Variants in UBAP2L observed in about 807,000 individuals in gnomAD.
UBAP2L encodes ubiquitin-associated protein 2-like.
In UBAP2L, 12 loss-of-function variants were observed where a neutral mutation model predicts 130.6. That is an observed-to-expected ratio of 0.09 (90% confidence interval 0.06 to 0.15). The LOEUF (loss-of-function observed/expected upper bound fraction) is 0.15. UBAP2L is among the 10% of genes least tolerant of loss of function. The probability of loss-of-function intolerance (pLI) is 1.00; values close to 1 mark genes in which losing one functional copy is unlikely to be tolerated. For missense variants in UBAP2L, 965 were observed against 1,332.5 expected, an observed-to-expected ratio of 0.72 and a Z score of 4.29; for synonymous variants, 503 against 524.7, an observed-to-expected ratio of 0.96 and a Z score of 0.57.
chr1:154,265,477 C>T (rs1682979223), intron 24 of UBAP2L, among the ~76,000 whole-genome samples: 1 of 152,134 alleles, frequency 6.6e-6, no homozygotes, highest in South Asian at 2.1e-4. Flanking sequence ...TAAAATCATG[C>T]TTTATATTCC....
At chr1:154,243,344 C>A in intron 10 of UBAP2L, 42 bp downstream of exon 10, 1 of 1,570,208 alleles carries the variant, frequency 6.4e-7, no homozygotes, top group South Asian at 1.1e-5. Context: ...TTAAACACAT[C>A]TGCTGAGATT....
chr1:154,237,265 A>G (rs1671989271), intron 8 of UBAP2L, 129 bp downstream of exon 8: 4 of 809,878 alleles, frequency 4.9e-6, no homozygotes, highest in Non-Finnish European at 6.1e-6. Flanking sequence ...AAGGGCTGGC[A>G]GTTGTATTAC....
At chr1:154,222,320 C>T (rs1224398043) in intron 1 of UBAP2L, among the ~76,000 whole-genome samples, 1 of 152,098 alleles carries the variant, frequency 6.6e-6, no homozygotes, top group Non-Finnish European at 1.5e-5. Context: ...TGAGATCTGT[C>T]TCCATTGTAC....
chr1:154,251,230 C>T lies in UBAP2L; in HGVS notation c.1403C>T (p.Pro468Leu). 6.2e-7 allele frequency: 1 copy of T among 1,614,174 alleles called. No individual in the cohort carries two copies. Among genetic ancestry groups the T allele is most frequent in the Non-Finnish European group, 8.5e-7 (1 of 1,180,048 alleles). ...TCCACATCGGCTCCACAGATGTCGC[C>T]TGGATCTTCAGACAACCAGTCCTCT... ...SKSTSAPQMS[P>L]GSSDNQSSSP... is the part of the protein sequence containing the mutation. The change falls in exon 13 of 27, where the codon CCT (proline) becomes CTT (leucine). Residue 468 changes from proline to leucine, a missense_variant. Coordinates refer to ENST00000428931, the MANE Select transcript of UBAP2L (RefSeq NM_014847.4).
At chr1:154,226,215 G>C (rs1349486026) in intron 2 of UBAP2L, among the ~76,000 whole-genome samples, 2 of 152,142 alleles carry the variant, frequency 1.3e-5, no homozygotes, top group Non-Finnish European at 2.9e-5. Flanking sequence ...GTTCCATTGA[G>C]ACCTTACCTG....
chr1:154,267,362 G>T (rs994366174), intron 25 of UBAP2L, among the ~76,000 whole-genome samples: 1 of 151,846 alleles, frequency 6.6e-6, no homozygotes, highest in Admixed American at 6.6e-5. Context: ...CACCATCTTG[G>T]CTAGGCTGGT....
intron 20 of UBAP2L, chr1:154,258,567 T>C (rs1022981023): frequency 1.3e-5 from 2 of 154,550 alleles, no homozygotes; most frequent in African/African-American, 4.8e-5. Flanking sequence ...ACATTTTTAA[T>C]TTGTGGTCAC....
At chr1:154,233,018 CTTT>C (rs1339953340) in intron 4 of UBAP2L, among the ~76,000 whole-genome samples, 1 of 148,424 alleles carries the variant, frequency 6.7e-6, no homozygotes. Flanking sequence ...ACCTTTTTTT[CTTT>C]TTTTTTTTTT....
chr1:154,251,314 C>G lies in UBAP2L; in HGVS notation c.1487C>G (p.Ser496Cys), dbSNP rs142515266. 2.5e-6 allele frequency: 4 copies of G among 1,610,940 alleles called. No individual in the cohort carries two copies. The highest frequency in any genetic ancestry group is 2.5e-6 in the Non-Finnish European group (3 of 1,178,992). The change falls in exon 13 of 27, where the codon TCT becomes TGT. Residue 496 changes from serine (S) to cysteine (C), a missense_variant. Around this residue, in one of 9 missense-constraint regions of UBAP2L, gnomAD observed 393 missense variants for 408.1 expected, o/e 0.96. Coordinates refer to ENST00000428931, the MANE Select transcript of UBAP2L (RefSeq NM_014847.4). The part of the protein sequence containing the change: ...KQQKKKASLT[S>C]KIPALAVEMP... The stretch of plus-strand genomic sequence containing the variant: ...CAGAAGAAAAAAGCCTCCTTGACTT[C>G]TAAGGTACTTAAACTTTTAGGTAGA...
At position 154,270,407 on chromosome 1, in the gene UBAP2L, C is replaced by A; in HGVS notation, c.*112C>A. On this transcript the variant is annotated 3_prime_UTR_variant, in exon 27 of 27. Coordinates refer to ENST00000428931, the MANE Select transcript of UBAP2L (RefSeq NM_014847.4). ...GTGGGGGGTTTCCGCTGCCCCCCACCCCCAGCGGCCCACCCCATGCCTCAG... is the reference window on the plus strand; with the variant it reads ...GTGGGGGGTTTCCGCTGCCCCCCACACCCAGCGGCCCACCCCATGCCTCAG... 1 of 1,539,150 alleles carries A rather than the reference C, an allele frequency of 6.5e-7. No homozygotes were observed. Among genetic ancestry groups the A allele is most frequent in the Non-Finnish European group, 8.7e-7 (1 of 1,147,382 alleles).
intron 4 of UBAP2L, among the ~76,000 whole-genome samples, chr1:154,229,933 G>A (rs1669267627): frequency 6.6e-6 from 1 of 151,974 alleles, no homozygotes; most frequent in East Asian, 1.9e-4. Context: ...CCTGCTCTCT[G>A]CAGCCTCCAC....
At position 154,254,131 on chromosome 1, in the gene UBAP2L, G is replaced by A. The variant is rs767889567; in HGVS notation, c.1854+42G>A. The A allele has an allele frequency of 2.8e-6, 4 of 1,451,090 alleles. No homozygotes were observed. In the South Asian group the frequency reaches 4.6e-5, roughly 17 times the overall value. 89.9% of individuals were successfully genotyped at this position (1,451,090 alleles called of 1,614,324 possible). On this transcript the variant is annotated intron_variant, in intron 15 of 26. Coordinates refer to ENST00000428931, the MANE Select transcript of UBAP2L (RefSeq NM_014847.4). ...CCCTTGGGAATTGGTTAGGAGAATA[G>A]TGGGCAAAAATTCCTTAAATATTAG...
chr1:154,255,449 C>A, intron 17 of UBAP2L, 123 bp downstream of exon 17: 1 of 1,329,446 alleles, frequency 7.5e-7, no homozygotes, highest in Non-Finnish European at 1.0e-6. Context: ...AAGTGGGTGA[C>A]CTAAGAACTG....
chr1:154,270,501 C>CT lies in UBAP2L; in HGVS notation c.*214dup, dbSNP rs762156668. 2.8e-5 allele frequency: 41 copies of CT among 1,452,846 alleles called. No individual in the cohort carries two copies. Among genetic ancestry groups the CT allele is most frequent in the East Asian group, 2.3e-4 (9 of 39,580 alleles). The allele number at this position is 1,452,846 out of a possible 1,614,324, so 90.0% of individuals were successfully genotyped here. On this transcript the variant is annotated 3_prime_UTR_variant, in exon 27 of 27. Coordinates refer to ENST00000428931, the MANE Select transcript of UBAP2L (RefSeq NM_014847.4). ...TGTATTATAGGATTTGTATTTTCTC[C>CT]TTTTTTTTCCCCCTTCCATTCCTTC... is the stretch of plus-strand genomic sequence containing the variant.
At position 154,261,595 on chromosome 1, in the gene UBAP2L, G is replaced by T. The variant is rs1681571202; in HGVS notation, c.2800G>T (p.Ala934Ser). The change falls in exon 24 of 27, where the codon GCT becomes TCT. Residue 934 changes from alanine (A) to serine (S), a missense_variant. By Grantham distance (99) the Ala-to-Ser change is moderately conservative. Coordinates refer to ENST00000428931, the MANE Select transcript of UBAP2L (RefSeq NM_014847.4). Reference sequence around the variant, plus strand: ...ATCTGGCCTTTTTGCTCTTTAGGTGGCTCCTACCTCTTCCAAGCAGCATGG... The same window carrying T: ...ATCTGGCCTTTTTGCTCTTTAGGTGTCTCCTACCTCTTCCAAGCAGCATGG... ...FQYGPAVFPVAPTSSKQHGVN... is the reference protein window; with the variant it reads ...FQYGPAVFPVSPTSSKQHGVN... 1 of 1,613,968 alleles carries T rather than the reference G, an allele frequency of 6.2e-7. No individual in the cohort carries two copies.
chr1:154,250,847 CAAA>C (rs1023678670), intron 12 of UBAP2L, among the ~76,000 whole-genome samples, 191 bp from the exon 13 acceptor site: 5 of 48,954 alleles, frequency 1.0e-4, no homozygotes, highest in Admixed American at 4.5e-4. Flanking sequence ...ACTCCCATCT[CAAA>C]AAAAAAAAAA....
chr1:154,249,463 T>A (rs1440426841), intron 12 of UBAP2L, 26 bp downstream of exon 12: 1 of 1,613,396 alleles, frequency 6.2e-7, no homozygotes, highest in Non-Finnish European at 8.5e-7. Flanking sequence ...GTGACTTGAA[T>A]CTTTAAAGCA....
At chr1:154,263,737 A>T (rs1430356436) in intron 24 of UBAP2L, among the ~76,000 whole-genome samples, 2 of 152,184 alleles carry the variant, frequency 1.3e-5, no homozygotes, top group Admixed American at 1.3e-4. Context: ...CTCCATGCTT[A>T]TGTTGCTTCA....
rs760781907 is a variant in UBAP2L at position 154,251,146 on chromosome 1, C to G, written c.1319C>G (p.Pro440Arg). The change falls in exon 13 of 27, where the codon CCT (proline) becomes CGT (arginine). Residue 440 changes from proline to arginine, a missense_variant. By Grantham distance (103) the Pro-to-Arg change is moderately radical (BLOSUM62 -2). This residue lies in a region of UBAP2L where 74 missense variants were observed against 97.1 expected (regional missense o/e 0.76). Transcript: ENST00000428931. ...MMEVFLQEKS[P>R]AVATSTAAPP... The stretch of plus-strand genomic sequence containing the variant: ...GAGGTGTTCCTTCAGGAGAAGTCAC[C>G]TGCAGTGGCTACCTCCACAGCTGCA... 6.2e-7 allele frequency: 1 copy of G among 1,614,148 alleles called. No homozygotes were observed. Among genetic ancestry groups the G allele is most frequent in the South Asian group, 1.1e-5 (1 of 91,078 alleles).
Sources: gnomAD v4.1 joint callset for allele counts (sites outside exome capture counted in the v4.1 genomes callset) on GRCh38, gnomAD v4.1.1 for gene constraint, gnomAD v4.1.1 regional missense constraint, MANE v1.5 for transcripts, NCBI Gene and HGNC (gene_info 2026-07-23, HGNC 2026-07-21) for gene names.